The following ATM variants were observed in gnomAD, a reference collection of about 807,000 sequenced individuals.
The protein encoded by ATM is ATM serine/threonine kinase.
ATM carries 308 observed loss-of-function variants against 387.0 expected under a neutral mutation model. The observed-to-expected ratio is 0.80, with a 90% CI of 0.73 to 0.87. The LOEUF is 0.87. Among genes scored for constraint, ATM ranks in the 40% least tolerant of loss-of-function variants. The pLI is 0.00. For synonymous variants in ATM, 1,156 were observed against 1,187.3 expected (o/e 0.97, Z 0.54); for missense variants, 3,312 against 3,560.9 (o/e 0.93, Z 1.78).
At chr11:108,338,274 C>G (rs560644674) in intron 56 of ATM, among the ~76,000 whole-genome samples, 2 of 152,104 alleles carry the variant, frequency 1.3e-5, no homozygotes, top group South Asian at 4.1e-4. Context: ...TCACTTAAAC[C>G]CGGATGGCAG....
At chr11:108,355,902 C>T (rs575724910) in intron 61 of ATM, 2 of 152,210 alleles carry the variant, frequency 1.3e-5, no homozygotes, top group East Asian at 1.9e-4. Flanking sequence ...CTTTATGAAC[C>T]GAGGCATCTT....
chr11:108,294,159 T>A (rs1032577341), intron 31 of ATM, among the ~76,000 whole-genome samples: 2 of 151,950 alleles, frequency 1.3e-5, no homozygotes, highest in African/African-American at 2.4e-5. Flanking sequence ...ATCTTTTCAA[T>A]GTCAATTTAA....
At position 108,288,847 on chromosome 11, in the gene ATM, G is replaced by GT. The variant is rs2082632042; in HGVS notation, c.4110-125dup. The stretch of plus-strand genomic sequence containing the variant: ...CATTTGTGATTTTATTGAAAGTATA[G>GT]TTTTTCAGTAGAAAAATGGTTTTTG... On this transcript the variant is annotated intron_variant, in intron 27 of 62. Coordinates refer to ENST00000675843, the MANE Select transcript of ATM (RefSeq NM_000051.4). The GT allele has an allele frequency of 3.8e-6, 4 of 1,046,346 alleles. No homozygotes were observed. The Admixed American group carries it at 8.7e-5, about 23-fold the overall frequency. The allele number at this position is 1,046,346 out of a possible 1,614,324, so 64.8% of individuals were successfully genotyped here.
At chr11:108,351,085 GAAT>G (rs1481667005) in intron 59 of ATM, among the ~76,000 whole-genome samples, 3 of 152,150 alleles carry the variant, frequency 2.0e-5, no homozygotes, top group South Asian at 4.1e-4. Flanking sequence ...GAGATTGAAT[GAAT>G]AATAACACAC....
rs786203542 is a variant in ATM, at chr11:108,345,900, C to G, written c.8576C>G (p.Ser2859Cys). 5.6e-6 allele frequency: 9 copies of G among 1,613,574 alleles called. No homozygotes were observed. The highest frequency in any genetic ancestry group is 7.6e-6 in the Non-Finnish European group (9 of 1,179,690). ...GCTTATACGCGCAGTGTAGCTACTT[C>G]TTCTATTGGTAATCTTCTTGTACAT... ...RLAYTRSVAT[S>C]SIVGYILGLG... Residue 2859 changes from serine (S) to cysteine (C), a missense_variant, in exon 58 of 63, where the codon TCT (serine) becomes TGT (cysteine). Ser to Cys is a moderately radical substitution (Grantham distance 112). Coordinates refer to ENST00000675843, the MANE Select transcript of ATM (RefSeq NM_000051.4).
chr11:108,350,876 T>G (rs935270234), intron 59 of ATM, among the ~76,000 whole-genome samples: 1 of 152,204 alleles, frequency 6.6e-6, no homozygotes, highest in Non-Finnish European at 1.5e-5. Flanking sequence ...GAATATTGTT[T>G]GGCATTATCC....
chr11:108,359,321 ACT>A (rs1194257965), intron 61 of ATM, among the ~76,000 whole-genome samples: 1 of 151,964 alleles, frequency 6.6e-6, no homozygotes, highest in Non-Finnish European at 1.5e-5. Context: ...CTACAAAGAG[ACT>A]TAGAATCCCA....
At chr11:108,273,310 T>C (rs1371850312) in intron 22 of ATM, among the ~76,000 whole-genome samples, 2 of 149,516 alleles carry the variant, frequency 1.3e-5, no homozygotes, top group African/African-American at 4.9e-5. Context: ...AGTACTGGAA[T>C]AAACATATAT....
chr11:108,227,246 T>G, intron 1 of ATM: 2 of 191,314 alleles, frequency 1.0e-5, no homozygotes, highest in South Asian at 1.8e-4. Context: ...CTCCTGACCT[T>G]GTGATCCTCC....
At chr11:108,326,818 A>ATTAT (rs962174545) in intron 47 of ATM, among the ~76,000 whole-genome samples, 48 of 151,994 alleles carry the variant, frequency 3.2e-4, no homozygotes, top group East Asian at 9.7e-4. Flanking sequence ...ACTGTGCTTT[A>ATTAT]TTATTTATTT....
Position 108,332,041 on chromosome 11 carries a change from T to C in ATM, c.7788+4T>C, listed in dbSNP as rs2136529910. The C allele has an allele frequency of 6.2e-7, 1 of 1,613,572 alleles. No homozygotes were observed. Among genetic ancestry groups the C allele is most frequent in the Non-Finnish European group, 8.5e-7 (1 of 1,179,674 alleles). ...ACAAAGCTCTCAGCTTGATGAGGTA[T>C]TTGGATTAAACATACGTACCTTTTA... is the stretch of plus-strand genomic sequence containing the variant. On this transcript the variant is annotated splice_donor_region_variant and intron_variant, in intron 52 of 62. Coordinates refer to ENST00000675843, the MANE Select transcript of ATM (RefSeq NM_000051.4).
chr11:108,317,714 GTA>G (rs1159597234), intron 43 of ATM, among the ~76,000 whole-genome samples, 193 bp downstream of exon 43: 3 of 143,302 alleles, frequency 2.1e-5, no homozygotes, highest in Non-Finnish European at 3.0e-5. Context: ...GTGTATGTGT[GTA>G]TATATATATA....
rs367987632 is a variant in ATM at position 108,302,905 on chromosome 11, A to T, written c.5372A>T (p.Asp1791Val). The T allele has an allele frequency of 1.2e-6, 2 of 1,613,480 alleles. No homozygotes were observed. Among genetic ancestry groups the T allele is most frequent in the Non-Finnish European group, 1.7e-6 (2 of 1,179,488 alleles). ...GAAAACCCTTTTGAAGGCCTGGATGATATAAATCTGTGGATTCCTCTAAGT... is the reference window on the plus strand; with the variant it reads ...GAAAACCCTTTTGAAGGCCTGGATGTTATAAATCTGTGGATTCCTCTAAGT... ...DKENPFEGLD[D>V]INLWIPLSEN... Residue 1791 changes from aspartate to valine, a missense_variant, in exon 36 of 63, where the codon GAT becomes GTT. Around this residue, in one of 4 missense-constraint regions of ATM, gnomAD observed 1,405 missense variants for 1,604.4 expected, o/e 0.88. Coordinates refer to ENST00000675843, the MANE Select transcript of ATM (RefSeq NM_000051.4).
At chr11:108,237,645 C>T (rs1025178463) in intron 5 of ATM, among the ~76,000 whole-genome samples, 3 of 152,056 alleles carry the variant, frequency 2.0e-5, no homozygotes, top group Admixed American at 2.0e-4. Context: ...ATATTTGGTA[C>T]AGGTGGTGAC....
At chr11:108,264,482 CAAAAT>C (rs759158483) in intron 16 of ATM, among the ~76,000 whole-genome samples, 16 of 152,266 alleles carry the variant, frequency 1.1e-4, no homozygotes, top group African/African-American at 3.9e-4. Context: ...GGACGTATCT[CAAAAT>C]AATAAGAGCT....
chr11:108,244,916 A>C lies in ATM; in HGVS notation c.791A>C (p.Tyr264Ser), dbSNP rs730881338. The change falls in exon 7 of 63, where the codon TAT becomes TCT. Residue 264 changes from tyrosine (Y) to serine (S), a missense_variant. Tyr to Ser is a moderately radical substitution (Grantham distance 144). Coordinates refer to ENST00000675843, the MANE Select transcript of ATM (RefSeq NM_000051.4). ...GATGAAATTCTTCCCACTTTGCTTT[A>C]TATTTGGACTCAACATAGGCTTAAT... ...LGDEILPTLL[Y>S]IWTQHRLNDS... is the part of the protein sequence containing the mutation. 1 of 1,613,620 alleles carries C rather than the reference A, an allele frequency of 6.2e-7. No individual in the cohort carries two copies. Among genetic ancestry groups the C allele is most frequent in the Non-Finnish European group, 8.5e-7 (1 of 1,179,776 alleles).
At chr11:108,274,611 T>C (rs2081828337) in intron 22 of ATM, among the ~76,000 whole-genome samples, 1 of 152,222 alleles carries the variant, frequency 6.6e-6, no homozygotes, top group Non-Finnish European at 1.5e-5. Flanking sequence ...TATTTCTGCC[T>C]TCATTTCATT....
intron 59 of ATM, 50 bp from the exon 60 acceptor site, chr11:108,353,714 GAA>G: frequency 1.4e-6 from 2 of 1,417,574 alleles, no homozygotes; most frequent in Non-Finnish European, 2.0e-6. Context: ...TAACTGGAAA[GAA>G]AGTAAATTAG....
rs56013141 is a variant in ATM, at chr11:108,287,478, TC to T, written c.3994-121del. On this transcript the variant is annotated intron_variant, in intron 26 of 62. Transcript: ENST00000675843. ...AATCTTGTAAATCTTGGACTTTGAG[TC>T]ATCTATTTTCTTTTACAGTCATCGA... 2.6e-3 allele frequency: 1,591 copies of T among 603,396 alleles called. 11 individuals carry two copies. Among genetic ancestry groups the T allele is most frequent in the African/African-American group, 0.017 (928 of 53,564 alleles). The allele number at this position is 603,396 out of a possible 1,614,324, so 37.4% of individuals were successfully genotyped here. A position where few individuals can be genotyped will look rare whatever the true frequency, so the allele number is the denominator to read the frequency against.
Sources: allele counts gnomAD v4.1 joint callset (sites outside exome capture counted in the v4.1 genomes callset), GRCh38; gene constraint gnomAD v4.1.1; regional missense constraint gnomAD v4.1.1; transcripts MANE v1.5; gene names NCBI Gene and HGNC (gene_info 2026-07-23, HGNC 2026-07-21).